The following TSHZ3 variants were observed in gnomAD, a reference collection of about 807,000 sequenced individuals.
TSHZ3 encodes teashirt homolog 3.
A neutral mutation model predicts 64.5 loss-of-function variants in TSHZ3; 10 were observed. The ratio of observed to expected loss-of-function variants is 0.16; its 90% CI spans 0.10 to 0.26. The LOEUF is 0.26. Ranked by LOEUF, TSHZ3 falls within the 10% of genes least tolerant of loss-of-function variation. The pLI is 1.00. For synonymous variants in TSHZ3, 608 were observed against 593.1 expected (o/e 1.03, Z -0.36); for missense variants, 1,242 against 1,421.7 (o/e 0.87, Z 2.03).
At chr19:31,247,628 G>T (rs567055444) in intron 1 of TSHZ3, among the ~76,000 whole-genome samples, 2 of 152,284 alleles carry the variant, frequency 1.3e-5, no homozygotes, top group African/African-American at 4.8e-5. Context: ...ACTAAGGAGA[G>T]TGTTAGGATA....
At position 31,279,828 on chromosome 19, in the gene TSHZ3, A is replaced by C; in HGVS notation, c.41-76T>G. ...AGACAGGGAGAAGGAGAGAAAGAAA[A>C]AAAAAAGCATTAGTACTTGTTGATC... On this transcript the variant is annotated intron_variant, in intron 1 of 1. Coordinates refer to ENST00000240587, the MANE Select transcript of TSHZ3 (RefSeq NM_020856.4). This position sits in a 1 kb window ranked among gnomAD's most constrained non-coding sequence, Gnocchi z 6.4. 1 of 1,345,822 alleles carries C rather than the reference A, an allele frequency of 7.4e-7. No homozygotes were observed. Among genetic ancestry groups the C allele is most frequent in the East Asian group, 2.4e-5 (1 of 41,934 alleles). 83.4% of individuals were successfully genotyped at this position (1,345,822 alleles called of 1,614,324 possible).
intron 1 of TSHZ3, among the ~76,000 whole-genome samples, chr19:31,304,512 C>A (rs4578782): frequency 0.48 from 39,755 of 83,334 alleles, 6,973 homozygotes; most frequent in African/African-American, 0.64. Context: ...ACAACAACAA[C>A]AAAAAATTAA....
intron 1 of TSHZ3, among the ~76,000 whole-genome samples, chr19:31,263,409 G>A (rs1224276660): frequency 1.3e-5 from 2 of 151,660 alleles, no homozygotes; most frequent in Non-Finnish European, 2.9e-5. Context: ...CTCTCCTCTT[G>A]GCATTCATAA....
intron 1 of TSHZ3, among the ~76,000 whole-genome samples, chr19:31,260,718 G>A (rs556831205): frequency 2.0e-5 from 3 of 152,286 alleles, no homozygotes; most frequent in South Asian, 2.1e-4. Context: ...AGGGTGTGGC[G>A]CTCACTTGGG....
In TSHZ3 at chr19:31,172,159, G is replaced by A. The variant is rs540921320; in HGVS notation, n.810-15742C>T. On this transcript the variant is annotated intron_variant and non_coding_transcript_variant, in intron 5 of 6. Coordinates refer to the TSHZ3 transcript ENST00000651361. ...TCATAGTGCCCTTGGAAGGGCGGCC[G>A]ACCAAGATTTAGGGCAGAGGTTTGA... 5.9e-5 allele frequency among the ~76,000 whole-genome samples: 9 copies of A among 152,280 alleles called. No homozygotes were observed. In the South Asian group the frequency reaches 6.2e-4, roughly 11 times the overall value.
chr19:31,151,846 GT>G (rs1220758783), intron 6 of TSHZ3, among the ~76,000 whole-genome samples: 1 of 152,132 alleles, frequency 6.6e-6, no homozygotes, highest in African/African-American at 2.4e-5. Flanking sequence ...TATTAATTAA[GT>G]GCATTTTTTC....
At chr19:31,256,724 T>C (rs1027760005) in intron 1 of TSHZ3, among the ~76,000 whole-genome samples, 8 of 152,154 alleles carry the variant, frequency 5.3e-5, no homozygotes, top group African/African-American at 1.9e-4. Flanking sequence ...ACGGAGGGGC[T>C]TTCCCTGCAC....
chr19:31,239,743 C>G (rs978115629), intron 3 of TSHZ3, among the ~76,000 whole-genome samples: 1 of 132,138 alleles, frequency 7.6e-6, no homozygotes, highest in Non-Finnish European at 1.8e-5. Flanking sequence ...ACATGCCCAG[C>G]TAATTAAAAA....
intron 1 of TSHZ3, among the ~76,000 whole-genome samples, chr19:31,344,846 A>G (rs1358331963): frequency 6.6e-6 from 1 of 152,230 alleles, no homozygotes; most frequent in East Asian, 1.9e-4. Context: ...AACAATCTTT[A>G]GCAAAAAGAG....
intron 1 of TSHZ3, among the ~76,000 whole-genome samples, chr19:31,306,660 C>T (rs1302448071): frequency 2.0e-5 from 3 of 152,150 alleles, no homozygotes; most frequent in African/African-American, 7.2e-5. Flanking sequence ...CATTACCTGC[C>T]ATTTTTTATA....
chr19:31,309,314 G>A (rs16965445), intron 1 of TSHZ3, among the ~76,000 whole-genome samples: 4,966 of 152,256 alleles, frequency 0.033, 306 homozygotes, highest in African/African-American at 0.12. Flanking sequence ...GAGAGAGGGA[G>A]TAGATTCGGA....
intron 3 of TSHZ3, among the ~76,000 whole-genome samples, chr19:31,238,542 C>T (rs1453949995): frequency 1.3e-5 from 2 of 152,182 alleles, no homozygotes; most frequent in Non-Finnish European, 2.9e-5. Flanking sequence ...AGGCGTGAGC[C>T]ATTGTGCCCG....
chr19:31,189,764 C>T (rs547614232), intron 5 of TSHZ3, among the ~76,000 whole-genome samples: 1 of 152,020 alleles, frequency 6.6e-6, no homozygotes, highest in East Asian at 1.9e-4. Flanking sequence ...TAATATTGTT[C>T]TTAAAATCTA....
At chr19:31,323,845 T>C (rs1033653109) in intron 1 of TSHZ3, among the ~76,000 whole-genome samples, 1 of 147,852 alleles carries the variant, frequency 6.8e-6, no homozygotes, top group Admixed American at 6.8e-5. Flanking sequence ...GCTGCTCTTG[T>C]ACTTGAACCT....
rs1975746309 is a variant in TSHZ3 at position 31,245,299 on chromosome 19, C to T, written n.64-2424G>A. Among the ~76,000 whole-genome samples the T allele has an allele frequency of 2.0e-5, 3 of 152,172 alleles. No homozygotes were observed. The South Asian group carries it at 6.2e-4, about 32-fold the overall frequency. ...TGGGAAAAACTTGTCTCACCCTTCT[C>T]ATTGGATAGGCAAGGAACTAAAATA... On this transcript the variant is annotated intron_variant and non_coding_transcript_variant, in intron 1 of 6. Transcript: ENST00000651361.
At chr19:31,344,599 TGCCTGCCTGCC>T (rs1917529371) in intron 1 of TSHZ3, among the ~76,000 whole-genome samples, 1 of 152,216 alleles carries the variant, frequency 6.6e-6, no homozygotes, top group Non-Finnish European at 1.5e-5. Flanking sequence ...CGGGCCTGCC[TGCCTGCCTGCC>T]GCAGCCCTGG....
rs111715744 is a variant in TSHZ3, at chr19:31,178,642, G to GCACT, written n.810-22229_810-22226dup. Among the ~76,000 whole-genome samples, 6 of 152,312 alleles carry GCACT rather than the reference G, an allele frequency of 3.9e-5. 1 individual carries two copies. Among genetic ancestry groups the GCACT allele is most frequent in the Admixed American group, 1.3e-4 (2 of 15,296 alleles). On this transcript the variant is annotated intron_variant and non_coding_transcript_variant, in intron 5 of 6. Transcript: ENST00000651361. ...TGTAGTGAGCCAAGATCGCGCCATT[G>GCACT]CACTCCAGCCTGGGCGACAAGAACA...
intron 1 of TSHZ3, among the ~76,000 whole-genome samples, chr19:31,302,292 G>C (rs758936607): frequency 6.6e-6 from 1 of 152,154 alleles, no homozygotes; most frequent in South Asian, 2.1e-4. Flanking sequence ...TGGAAACATA[G>C]AGCCACAGAC....
At chr19:31,270,896 A>G (rs1173605013), downstream of TSHZ3, among the ~76,000 whole-genome samples, 1 of 152,210 alleles carries the variant, frequency 6.6e-6, no homozygotes, top group Non-Finnish European at 1.5e-5. Context: ...TATTAAGAAT[A>G]TATCAGTACC....
Sources: gnomAD v4.1 joint callset for allele counts (sites outside exome capture counted in the v4.1 genomes callset) on GRCh38, gnomAD v4.1.1 for gene constraint, Gnocchi (gnomAD v3.1) non-coding constraint, MANE v1.5 for transcripts, NCBI Gene and HGNC (gene_info 2026-07-23, HGNC 2026-07-21) for gene names.